CERS1: variants seen among roughly 807,000 people sequenced by gnomAD.
CERS1 encodes the protein Embryonic growth/differentiation factor 1.
CERS1 carries 16 observed loss-of-function variants against 35.7 expected under a neutral mutation model. The ratio of observed to expected loss-of-function variants is 0.45; its 90% CI spans 0.30 to 0.68. CERS1 has a LOEUF of 0.68. CERS1 is among the 30% of genes least tolerant of loss of function. The probability of loss-of-function intolerance (pLI) is 0.08; values close to 1 mark genes in which losing one functional copy is unlikely to be tolerated. For missense variants in CERS1, 454 were observed against 453.9 expected (o/e 1.00, Z 0.00); for synonymous variants, 243 against 201.6 (o/e 1.21, Z -1.74).
rs544728809 is a variant in CERS1, at chr19:18,877,873, A to G, written c.1010+1057T>C. On this transcript the variant is annotated intron_variant, in intron 6 of 7. Transcript: ENST00000623882. ...CAGAACCCATGTGACCCTCTGCCCCAATCCCATCTCAGTCAATACCAGCTC... is the reference window on the plus strand; with the variant it reads ...CAGAACCCATGTGACCCTCTGCCCCGATCCCATCTCAGTCAATACCAGCTC... 67 of 725,018 alleles carry G rather than the reference A, an allele frequency of 9.2e-5. No individual in the cohort carries two copies. The South Asian group carries it at 3.9e-3, about 42-fold the overall frequency. 44.9% of individuals were successfully genotyped at this position (725,018 alleles called of 1,614,324 possible). A position where few individuals can be genotyped will look rare whatever the true frequency, so the allele number is the denominator to read the frequency against.
intron 3 of CERS1, among the ~76,000 whole-genome samples, chr19:18,882,652 T>A (rs1295513583): frequency 6.6e-6 from 1 of 150,486 alleles, no homozygotes; most frequent in Non-Finnish European, 1.5e-5. Flanking sequence ...AATAAGTAAG[T>A]AAATAAATAA....
In CERS1 at chr19:18,884,232, C is replaced by T; in HGVS notation, c.445G>A (p.Ala149Thr). Residue 149 changes from alanine to threonine, a missense_variant, in exon 3 of 8, where the codon GCA becomes ACA. Ala to Thr is a moderately conservative substitution (Grantham distance 58). Transcript: ENST00000623882. Reference protein sequence around the residue: ...TPGMAVPRDIAAAYLLQGSFY... With the variant: ...TPGMAVPRDITAAYLLQGSFY... Reference sequence around the variant, plus strand: ...CTTCCCTGGAGCAGGTAGGCGGCTGCAATGTCCCGTGGCACTGCCATGCCC... The same window carrying T: ...CTTCCCTGGAGCAGGTAGGCGGCTGTAATGTCCCGTGGCACTGCCATGCCC... 1 of 1,613,310 alleles carries T rather than the reference C, an allele frequency of 6.2e-7. No homozygotes were observed. Among genetic ancestry groups the T allele is most frequent in the East Asian group, 2.2e-5 (1 of 44,856 alleles).
At position 18,878,995 on chromosome 19, in the gene CERS1, G is replaced by A. The variant is rs767643146; in HGVS notation, c.945C>T (p.His315=). The A allele has an allele frequency of 4.3e-6, 7 of 1,613,640 alleles. No individual in the cohort carries two copies. Among genetic ancestry groups the A allele is most frequent in the South Asian group, 2.2e-5 (2 of 91,080 alleles). Residue 315 remains histidine, a synonymous_variant, in exon 6 of 8, where the codon CAC becomes CAT. Coordinates refer to ENST00000623882, the MANE Select transcript of CERS1 (RefSeq NM_021267.5). The surrounding 1 kb of genome is among the most constrained non-coding windows in gnomAD (Gnocchi z 4.6). ...FAAKVLTGQV[H]ELKDLREYDT... is the part of the protein sequence containing the mutation. ...CATACTCCCGCAGGTCCTTCAGCTC[G>A]TGCACCTGGCCTGTCAACACCTTGG...
chr19:18,884,379 C>G, intron 2 of CERS1, 112 bp from the exon 3 acceptor site: 1 of 972,688 alleles, frequency 1.0e-6, no homozygotes, highest in Non-Finnish European at 1.5e-6. Context: ...CCCAGGTAAC[C>G]ATGCGTGTCT....
intron 5 of CERS1, 21 bp downstream of exon 5, chr19:18,879,220 G>A: frequency 6.2e-7 from 1 of 1,613,266 alleles, no homozygotes; most frequent in Non-Finnish European, 8.5e-7. Context: ...CCACTGTGGA[G>A]GAGAGCCGGG....
chr19:18,888,927 T>A (rs1386575334), intron 2 of CERS1, among the ~76,000 whole-genome samples: 3 of 147,354 alleles, frequency 2.0e-5, no homozygotes, highest in Non-Finnish European at 4.5e-5. Context: ...AGTCTTGCTC[T>A]GTCGCCTAGG....
rs898455197 is a variant in CERS1, at chr19:18,870,251, C to T, written c.*326G>A. 1.9e-6 allele frequency: 3 copies of T among 1,553,140 alleles called. No homozygotes were observed. The highest frequency in any genetic ancestry group is 2.0e-5 in the Admixed American group (1 of 51,170). ...GGGTCAGGGGCAGCGAGGGCAGCAG[C>T]AGGGCCAGGAGGAGGAGGAGGTGGT... is the stretch of plus-strand genomic sequence containing the variant. On this transcript the variant is annotated 3_prime_UTR_variant, in exon 7 of 8. Coordinates refer to ENST00000623882, the MANE Select transcript of CERS1 (RefSeq NM_021267.5). The surrounding 1 kb of genome is among the most constrained non-coding windows in gnomAD (Gnocchi z 5.1).
At position 18,869,960 on chromosome 19, in the gene CERS1, T is replaced by A. The variant is rs1056329210; in HGVS notation, c.*594+23A>T. 4 of 1,566,084 alleles carry A rather than the reference T, an allele frequency of 2.6e-6. No homozygotes were observed. In the Admixed American group the frequency reaches 7.4e-5, roughly 29 times the overall value. ...CGAGGTCTGGCCTCCAGGACCAGTG[T>A]CCCCAGCGAAAGCCCCACTCACCGC... On this transcript the variant is annotated intron_variant, in intron 7 of 7. Coordinates refer to ENST00000623882, the MANE Select transcript of CERS1 (RefSeq NM_021267.5).
chr19:18,868,835 T>C lies in CERS1; in HGVS notation c.*1150A>G. 6.9e-7 allele frequency: 1 copy of C among 1,454,736 alleles called. No individual in the cohort carries two copies. The highest frequency in any genetic ancestry group is 9.1e-7 in the Non-Finnish European group (1 of 1,094,332). The allele number at this position is 1,454,736 out of a possible 1,614,324, so 90.1% of individuals were successfully genotyped here. ...CAGCGCGCACTGACCCTGGCAGTAG[T>C]TGGCCAGGAAGCCGCGCGGCGCGAT... On this transcript the variant is annotated 3_prime_UTR_variant, in exon 8 of 8. Transcript: ENST00000623882.
chr19:18,877,997 T>A (rs1463005377), intron 6 of CERS1: 1 of 985,032 alleles, frequency 1.0e-6, no homozygotes, highest in African/African-American at 1.8e-5. Context: ...GGGTGGGGGG[T>A]CTGACGCTCC....
In CERS1 at chr19:18,877,699, G is replaced by A. The variant is rs186345701; in HGVS notation, c.1010+1231C>T. ...GGGCCTGGGAGGCGGCGGTTGCAGC[G>A]AGCCGAGATCGTGCCACTGCACACT... On this transcript the variant is annotated intron_variant, in intron 6 of 7. Transcript: ENST00000623882. Among the ~76,000 whole-genome samples, 924 of 149,322 alleles carry A rather than the reference G, an allele frequency of 6.2e-3. 4 individuals carry two copies. The highest frequency in any genetic ancestry group is 9.2e-3 in the Non-Finnish European group (626 of 67,744).
chr19:18,892,475 G>C (rs887980769), intron 2 of CERS1, among the ~76,000 whole-genome samples: 1 of 152,058 alleles, frequency 6.6e-6, no homozygotes. Context: ...TTAGCCGGGC[G>C]TGGTGGCGGG....
chr19:18,868,667 AAG>A lies in CERS1; in HGVS notation c.*1316_*1317del. ...CAGCACCACGTTGTCGCTGTTGTCA[AAG>A]AAGAGCACGGAGATGGGCGACAGGC... On this transcript the variant is annotated 3_prime_UTR_variant, in exon 8 of 8. Transcript: ENST00000623882. 1 of 1,574,688 alleles carries A rather than the reference AAG, an allele frequency of 6.4e-7. No homozygotes were observed. The highest frequency in any genetic ancestry group is 8.6e-7 in the Non-Finnish European group (1 of 1,160,020).
At position 18,878,655 on chromosome 19, in the gene CERS1, T is replaced by C; in HGVS notation, c.1010+275A>G. The C allele has an allele frequency of 7.9e-7, 1 of 1,262,060 alleles. No individual in the cohort carries two copies. The highest frequency in any genetic ancestry group is 1.0e-6 in the Non-Finnish European group (1 of 994,148). The allele number at this position is 1,262,060 out of a possible 1,614,324, so 78.2% of individuals were successfully genotyped here. The stretch of plus-strand genomic sequence containing the variant: ...TCGCCACTCCCGCCACACCAGCCAC[T>C]AGGCCTGGCCCTCAGTGTCCCTACC... On this transcript the variant is annotated intron_variant, in intron 6 of 7. Transcript: ENST00000623882. This position sits in a 1 kb window ranked among gnomAD's most constrained non-coding sequence, Gnocchi z 4.6.
rs763822282 is a variant in CERS1 at position 18,870,105 on chromosome 19, C to T, written c.*472G>A. ...AGACCTGGTCTCCTGGGGGTCCCGGCGTCGAAACAGGCGCCACATGACCGG... is the reference window on the plus strand; with the variant it reads ...AGACCTGGTCTCCTGGGGGTCCCGGTGTCGAAACAGGCGCCACATGACCGG... On this transcript the variant is annotated 3_prime_UTR_variant, in exon 7 of 8. Coordinates refer to ENST00000623882, the MANE Select transcript of CERS1 (RefSeq NM_021267.5). The surrounding 1 kb of genome is among the most constrained non-coding windows in gnomAD (Gnocchi z 5.1). The T allele has an allele frequency of 3.4e-5, 54 of 1,569,316 alleles. No individual in the cohort carries two copies. Among genetic ancestry groups the T allele is most frequent in the Admixed American group, 2.4e-4 (13 of 55,160 alleles).
chr19:18,873,676 T>TA (rs758482483), intron 6 of CERS1, among the ~76,000 whole-genome samples: 11 of 151,152 alleles, frequency 7.3e-5, no homozygotes, highest in South Asian at 6.3e-4. Context: ...TCATCTCTAC[T>TA]AAAAAAAATA....
At chr19:18,879,473 C>T (rs561480826) in intron 4 of CERS1, 85 bp from the exon 5 acceptor site, 1 of 1,471,406 alleles carries the variant, frequency 6.8e-7, no homozygotes, top group Admixed American at 2.1e-5. Context: ...TAGACCCACC[C>T]TTGCCCCCTT....
intron 6 of CERS1, among the ~76,000 whole-genome samples, chr19:18,877,041 G>A (rs1174620957): frequency 2.0e-5 from 3 of 152,172 alleles, no homozygotes; most frequent in South Asian, 2.1e-4. Context: ...ACGTCTCTCA[G>A]CCTGACTGCC....
At chr19:18,890,983 G>T (rs2056476552) in intron 2 of CERS1, among the ~76,000 whole-genome samples, 2 of 152,056 alleles carry the variant, frequency 1.3e-5, no homozygotes, top group African/African-American at 4.8e-5. Context: ...AATTAGCCGA[G>T]GGTGGTGGCG....
Sources: gnomAD v4.1 joint callset for allele counts (sites outside exome capture counted in the v4.1 genomes callset) on GRCh38, gnomAD v4.1.1 for gene constraint, Gnocchi (gnomAD v3.1) non-coding constraint, MANE v1.5 for transcripts, NCBI Gene and HGNC (gene_info 2026-07-23, HGNC 2026-07-21) for gene names.